Variants in GPHN observed in about 807,000 individuals in gnomAD.
GPHN encodes gephyrin.
GPHN carries 17 observed loss-of-function variants against 95.5 expected under a neutral mutation model. The observed-to-expected ratio is 0.18, with a 90% CI of 0.12 to 0.27. The LOEUF (loss-of-function observed/expected upper bound fraction) is 0.27, where lower values mean the gene tolerates loss of function less well. Among genes scored for constraint, GPHN ranks in the 10% least tolerant of loss-of-function variants. The pLI is 1.00. For synonymous variants in GPHN, 320 were observed against 322.5 expected (o/e 0.99, Z 0.08); for missense variants, 660 against 978.1 (o/e 0.67, Z 4.34).
chr14:66,914,744 C>T (rs1268642308), intron 5 of GPHN, among the ~76,000 whole-genome samples: 1 of 151,866 alleles, frequency 6.6e-6, no homozygotes, highest in African/African-American at 2.4e-5. Flanking sequence ...TGATGACATT[C>T]CAATCATATT....
the GPHN span, among the ~76,000 whole-genome samples, chr14:67,280,853 T>TTCCCTCCTTCCCTCCCTCCC: frequency 3.9e-5 from 3 of 77,610 alleles, no homozygotes; most frequent in East Asian, 1.3e-3. Flanking sequence ...CCTTCCTTCC[T>TTCCCTCCTTCCCTCCCTCCC]TCCCTCCCTC....
chr14:67,470,223 G>C, the GPHN span: 2 of 152,284 alleles, frequency 1.3e-5, no homozygotes, highest in Non-Finnish European at 2.9e-5. Flanking sequence ...GAGCCCCTGA[G>C]AAAGTGGCTC....
intron 2 of GPHN, among the ~76,000 whole-genome samples, chr14:66,711,192 C>T (rs2069587132): frequency 6.6e-6 from 1 of 152,110 alleles, no homozygotes; most frequent in East Asian, 1.9e-4. Context: ...AACCCTCCCC[C>T]TCCACCCTTA....
At chr14:66,957,138 A>G (rs1339399751) in intron 8 of GPHN, among the ~76,000 whole-genome samples, 1 of 151,432 alleles carries the variant, frequency 6.6e-6, no homozygotes, top group African/African-American at 2.4e-5. Flanking sequence ...AAAGAAAAAA[A>G]AAGTGTTTAA....
At chr14:67,452,419 C>T in the GPHN span, among the ~76,000 whole-genome samples, 3 of 151,798 alleles carry the variant, frequency 2.0e-5, no homozygotes. Flanking sequence ...TTCTCCTTGC[C>T]TTCTGTCATG....
intron 3 of GPHN, among the ~76,000 whole-genome samples, chr14:66,785,525 G>C (rs970959431): frequency 6.6e-6 from 1 of 151,282 alleles, no homozygotes; most frequent in African/African-American, 2.4e-5. Flanking sequence ...AATCTTAAAA[G>C]TATGTGTACC....
At chr14:66,536,406 C>T (rs751337974) in intron 1 of GPHN, among the ~76,000 whole-genome samples, 1 of 152,092 alleles carries the variant, frequency 6.6e-6, no homozygotes, top group Non-Finnish European at 1.5e-5. Flanking sequence ...CTAGGATAAA[C>T]GTTACTTTGT....
chr14:67,592,279 A>AT, the GPHN span: 1 of 192,624 alleles, frequency 5.2e-6, no homozygotes, highest in Non-Finnish European at 1.1e-5. Flanking sequence ...TACTAAAAAT[A>AT]AAAAAAAAAA....
the GPHN span, among the ~76,000 whole-genome samples, chr14:67,591,093 A>G: frequency 6.6e-6 from 1 of 152,212 alleles, no homozygotes; most frequent in African/African-American, 2.4e-5. Context: ...AAAAATATAT[A>G]AAAATAGATA....
chr14:67,393,100 C>T, the GPHN span: 1 of 1,352,754 alleles, frequency 7.4e-7, no homozygotes, highest in Non-Finnish European at 1.1e-6. Flanking sequence ...AGCCCTGCAT[C>T]ACCATGTCCC....
chr14:67,106,104 C>T (rs2078025202), intron 13 of GPHN, among the ~76,000 whole-genome samples: 1 of 152,130 alleles, frequency 6.6e-6, no homozygotes, highest in South Asian at 2.1e-4. Context: ...AATGAATTCT[C>T]TCCATTTTTG....
At chr14:66,780,782 T>C (rs2059576871) in intron 3 of GPHN, among the ~76,000 whole-genome samples, 2 of 152,192 alleles carry the variant, frequency 1.3e-5, no homozygotes, top group South Asian at 4.1e-4. Context: ...CATTAGCATT[T>C]TCAGCTGAAA....
chr14:67,463,840 A>G, the GPHN span, among the ~76,000 whole-genome samples: 16 of 152,234 alleles, frequency 1.1e-4, no homozygotes, highest in African/African-American at 3.9e-4. Flanking sequence ...GTCCAAAGTC[A>G]TATAGACAGT....
intron 11 of GPHN, among the ~76,000 whole-genome samples, chr14:67,061,478 C>T (rs1272725590): frequency 2.0e-5 from 3 of 152,178 alleles, no homozygotes; most frequent in Admixed American, 6.5e-5. Flanking sequence ...ACTCCCTACA[C>T]GCAACTCTTC....
At chr14:67,383,659 G>A in the GPHN span, 1 of 518,296 alleles carries the variant, frequency 1.9e-6, no homozygotes, top group Non-Finnish European at 3.4e-6. Flanking sequence ...TTAAGGGAGT[G>A]GCCTCATTTC....
At chr14:67,142,444 GA>G (rs1444234836) in intron 17 of GPHN, among the ~76,000 whole-genome samples, 1 of 152,056 alleles carries the variant, frequency 6.6e-6, no homozygotes, top group East Asian at 1.9e-4. Context: ...CCAAAGATAA[GA>G]CCCCTGTTTT....
intron 11 of GPHN, among the ~76,000 whole-genome samples, chr14:67,084,352 A>G (rs1317047133): frequency 2.0e-5 from 3 of 151,830 alleles, no homozygotes; most frequent in Non-Finnish European, 2.9e-5. Context: ...TTAGGTTTAA[A>G]CTCCCTTGAT....
At chr14:67,038,365 A>G (rs566125166) in intron 10 of GPHN, among the ~76,000 whole-genome samples, 12 of 152,120 alleles carry the variant, frequency 7.9e-5, no homozygotes, top group Non-Finnish European at 1.6e-4. Context: ...AGTTCTAGCA[A>G]TCAGTTGTAC....
rs549210233 is a variant in GPHN at position 66,894,823 on chromosome 14, A to G, written c.389+14790A>G. Among the ~76,000 whole-genome samples the G allele has an allele frequency of 1.3e-3, 191 of 152,336 alleles. 1 individual carries two copies. Among genetic ancestry groups the G allele is most frequent in the Non-Finnish European group, 2.1e-3 (145 of 68,032 alleles). ...CCACAATGAGATACCATCTCACACC[A>G]GTTAGAATGGCGATCATTAAAAAGT... On this transcript the variant is annotated intron_variant, in intron 5 of 22. Transcript: ENST00000478722.
Sources: allele counts gnomAD v4.1 joint callset (sites outside exome capture counted in the v4.1 genomes callset), GRCh38; gene constraint gnomAD v4.1.1; transcripts MANE v1.5; gene names NCBI Gene and HGNC (gene_info 2026-07-23, HGNC 2026-07-21).